CNN3: variants seen among roughly 807,000 people sequenced by gnomAD.
The protein encoded by CNN3 is calponin 3.
CNN3 carries 11 observed loss-of-function variants against 39.0 expected under a neutral mutation model. The ratio of observed to expected loss-of-function variants is 0.28; its 90% CI spans 0.18 to 0.47. The LOEUF (loss-of-function observed/expected upper bound fraction) is 0.47, where lower values mean the gene tolerates loss of function less well. Ranked by LOEUF, CNN3 falls within the 20% of genes least tolerant of loss-of-function variation. CNN3 has a pLI of 0.99. For synonymous variants in CNN3, 101 were observed against 138.3 expected, an observed-to-expected ratio of 0.73 and a Z score of 1.89; for missense variants, 266 against 403.4, an observed-to-expected ratio of 0.66 and a Z score of 2.92.
intron 5 of CNN3, among the ~76,000 whole-genome samples, chr1:94,901,416 A>G (rs1270766154): frequency 1.3e-5 from 2 of 151,732 alleles, no homozygotes; most frequent in African/African-American, 4.8e-5. Context: ...AAAAAAAAAA[A>G]GACAATATGA....
intron 1 of CNN3, among the ~76,000 whole-genome samples, chr1:94,911,893 A>C (rs1336328804): frequency 6.6e-6 from 1 of 151,986 alleles, no homozygotes; most frequent in Non-Finnish European, 1.5e-5. Flanking sequence ...AACATGGTGA[A>C]ACCCTGTTTC....
At chr1:94,919,356 T>C (rs1224308599) in intron 1 of CNN3, among the ~76,000 whole-genome samples, 1 of 152,180 alleles carries the variant, frequency 6.6e-6, no homozygotes, top group African/African-American at 2.4e-5. Context: ...ACATATAATT[T>C]CTACACTCAA....
At chr1:94,904,685 T>C (rs1670951595) in intron 1 of CNN3, among the ~76,000 whole-genome samples, 1 of 151,920 alleles carries the variant, frequency 6.6e-6, no homozygotes, top group African/African-American at 2.4e-5. Flanking sequence ...AGATCGAGGC[T>C]ACAGTGAGCC....
At chr1:94,902,488 C>T (rs539289235) in intron 3 of CNN3, among the ~76,000 whole-genome samples, 1 of 152,244 alleles carries the variant, frequency 6.6e-6, no homozygotes, top group African/African-American at 2.4e-5. Flanking sequence ...TAAGCAGTTA[C>T]GTGTTTTCAG....
intron 1 of CNN3, among the ~76,000 whole-genome samples, chr1:94,923,644 A>G (rs1183772637): frequency 6.6e-6 from 1 of 152,236 alleles, no homozygotes; most frequent in Non-Finnish European, 1.5e-5. Context: ...AGTATTTAAA[A>G]TCAGAGACTT....
In CNN3 at chr1:94,920,620, C is replaced by T. The variant is rs188899403; in HGVS notation, c.57+6218G>A. Among the ~76,000 whole-genome samples, 23 of 152,254 alleles carry T rather than the reference C, an allele frequency of 1.5e-4. No homozygotes were observed. In the East Asian group the frequency reaches 4.1e-3, roughly 27 times the overall value. On this transcript the variant is annotated intron_variant, in intron 1 of 6. Coordinates refer to ENST00000370206, the MANE Select transcript of CNN3 (RefSeq NM_001839.5). ...TGTTATGATATCCTCATTTTACATA[C>T]AAGACAGGCAGGTTAAGTCACTTGC...
At chr1:94,914,485 C>A (rs1420862584) in intron 1 of CNN3, among the ~76,000 whole-genome samples, 1 of 152,190 alleles carries the variant, frequency 6.6e-6, no homozygotes, top group Non-Finnish European at 1.5e-5. Context: ...CCCGCATCCC[C>A]ATGCTCCCAT....
At chr1:94,922,879 C>A (rs951718383) in intron 1 of CNN3, among the ~76,000 whole-genome samples, 3 of 152,180 alleles carry the variant, frequency 2.0e-5, no homozygotes, top group Admixed American at 2.0e-4. Flanking sequence ...ATTTTGTAAT[C>A]AAGAAGATCC....
At chr1:94,922,117 T>C (rs180825799) in intron 1 of CNN3, among the ~76,000 whole-genome samples, 41 of 152,272 alleles carry the variant, frequency 2.7e-4, no homozygotes, top group Admixed American at 2.5e-3. Flanking sequence ...ACTATTTAAC[T>C]ACTTAAGAAA....
chr1:94,926,561 G>A lies in CNN3; in HGVS notation c.57+277C>T, dbSNP rs569654361. Reference sequence around the variant, plus strand: ...CCCCGAGACCCCCGCAGCCGGAAAGGCTGGCGCCGCGGGACTCCAGGCGCC... The same window carrying A: ...CCCCGAGACCCCCGCAGCCGGAAAGACTGGCGCCGCGGGACTCCAGGCGCC... On this transcript the variant is annotated intron_variant, in intron 1 of 6. Coordinates refer to ENST00000370206, the MANE Select transcript of CNN3 (RefSeq NM_001839.5). The surrounding 1 kb of genome is among the most constrained non-coding windows in gnomAD (Gnocchi z 4.2). Among the ~76,000 whole-genome samples the A allele has an allele frequency of 1.2e-4, 18 of 152,204 alleles. No homozygotes were observed. The East Asian group carries it at 2.5e-3, about 21-fold the overall frequency.
At chr1:94,925,691 T>G in intron 1 of CNN3, 2 of 985,470 alleles carry the variant, frequency 2.0e-6, no homozygotes, top group Non-Finnish European at 2.4e-6. Flanking sequence ...GTTCCAGCTC[T>G]GACAATGCCA....
At position 94,897,644 on chromosome 1, in the gene CNN3, T is replaced by C. The variant is rs1670759200; in HGVS notation, c.*98A>G. ...TTTCTTAAAAGTACAATAAGCTTAA[T>C]AGTGTTTTAGGAAGACAAGATAAAA... On this transcript the variant is annotated 3_prime_UTR_variant, in exon 7 of 7. Coordinates refer to ENST00000370206, the MANE Select transcript of CNN3 (RefSeq NM_001839.5). 4.5e-6 allele frequency: 5 copies of C among 1,121,582 alleles called. No homozygotes were observed. The highest frequency in any genetic ancestry group is 2.1e-4 in the Middle Eastern group (1 of 4,864). The allele number at this position is 1,121,582 out of a possible 1,614,324, so 69.5% of individuals were successfully genotyped here. A position where few individuals can be genotyped will look rare whatever the true frequency, so the allele number is the denominator to read the frequency against.
At chr1:94,906,590 A>G (rs1417801553) in intron 1 of CNN3, among the ~76,000 whole-genome samples, 1 of 152,168 alleles carries the variant, frequency 6.6e-6, no homozygotes, top group Non-Finnish European at 1.5e-5. Context: ...GGCTCCATCT[A>G]TCTTTGCTAT....
At chr1:94,925,754 C>T (rs1430928500) in intron 1 of CNN3, 4 of 985,328 alleles carry the variant, frequency 4.1e-6, no homozygotes, top group Non-Finnish European at 4.8e-6. Flanking sequence ...CATGCTTGGG[C>T]TCCCGGGAGG....
chr1:94,906,340 T>C (rs1309288686), intron 1 of CNN3, among the ~76,000 whole-genome samples: 1 of 152,114 alleles, frequency 6.6e-6, no homozygotes, highest in Non-Finnish European at 1.5e-5. Flanking sequence ...TCTGGGTGCC[T>C]AGAAAAATAA....
chr1:94,897,839 C>T lies in CNN3; in HGVS notation c.893G>A (p.Ser298Asn). The change falls in exon 7 of 7, where the codon AGT becomes AAT. Residue 298 changes from serine to asparagine, a missense_variant. By Grantham distance (46) the Ser-to-Asn change is conservative (BLOSUM62 1). Coordinates refer to ENST00000370206, the MANE Select transcript of CNN3 (RefSeq NM_001839.5). ...ATCAGGGTATTCTGCCTGATAATCA[C>T]TATCACTGATTTCCGAACCATTTGT... ...TGTNGSEISD[S>N]DYQAEYPDEY... 1 of 1,614,140 alleles carries T rather than the reference C, an allele frequency of 6.2e-7. No individual in the cohort carries two copies. The highest frequency in any genetic ancestry group is 8.5e-7 in the Non-Finnish European group (1 of 1,179,980).
At chr1:94,907,848 A>C (rs1237848039) in intron 1 of CNN3, among the ~76,000 whole-genome samples, 1 of 152,274 alleles carries the variant, frequency 6.6e-6, no homozygotes, top group East Asian at 1.9e-4. Flanking sequence ...CAACAGAGCA[A>C]GACTCCGTCT....
intron 1 of CNN3, chr1:94,925,577 C>A: frequency 1.0e-6 from 1 of 976,326 alleles, no homozygotes; most frequent in Non-Finnish European, 1.2e-6. Context: ...AGACTAACAG[C>A]GGGAGACAAG....
At chr1:94,908,495 C>T (rs1194260191) in intron 1 of CNN3, among the ~76,000 whole-genome samples, 1 of 152,160 alleles carries the variant, frequency 6.6e-6, no homozygotes, top group African/African-American at 2.4e-5. Context: ...TTTCTTTAGC[C>T]CTCACTTTCT....
Sources: allele counts gnomAD v4.1 joint callset (sites outside exome capture counted in the v4.1 genomes callset), GRCh38; gene constraint gnomAD v4.1.1; non-coding constraint Gnocchi (gnomAD v3.1); transcripts MANE v1.5; gene names NCBI Gene and HGNC (gene_info 2026-07-23, HGNC 2026-07-21).